The following CNOT1 variants were observed in gnomAD, a reference collection of about 807,000 sequenced individuals.
CNOT1 encodes the protein CCR4-associated factor 1.
CNOT1 carries 15 observed loss-of-function variants against 273.8 expected under a neutral mutation model. The observed-to-expected ratio is 0.05, with a 90% CI of 0.04 to 0.08. The LOEUF is 0.08. Among genes scored for constraint, CNOT1 ranks in the 10% least tolerant of loss-of-function variants. CNOT1 has a pLI of 1.00. For missense variants in CNOT1, 1,644 were observed against 2,912.2 expected (o/e 0.56, Z 10.02); for synonymous variants, 1,022 against 1,005.5 (o/e 1.02, Z -0.31).
chr16:58,611,142 A>G (rs900159387), intron 1 of CNOT1, among the ~76,000 whole-genome samples: 3 of 152,032 alleles, frequency 2.0e-5, no homozygotes, highest in African/African-American at 7.2e-5. Flanking sequence ...TAAACTCCCC[A>G]GTCAGGCTGA....
chr16:58,629,432 C>T (rs377538463), intron 1 of CNOT1, among the ~76,000 whole-genome samples: 1 of 152,180 alleles, frequency 6.6e-6, no homozygotes, highest in African/African-American at 2.4e-5. Context: ...CCTGAGCCTC[C>T]AGGCCCGGGA....
intron 2 of CNOT1, among the ~76,000 whole-genome samples, chr16:58,593,843 A>G (rs566899239): frequency 6.6e-6 from 1 of 152,372 alleles, no homozygotes; most frequent in East Asian, 1.9e-4. Context: ...CAGATACACA[A>G]AATATGAAAT....
chr16:58,582,429 G>A (rs2041689335), intron 10 of CNOT1, among the ~76,000 whole-genome samples: 1 of 152,170 alleles, frequency 6.6e-6, no homozygotes, highest in Non-Finnish European at 1.5e-5. Flanking sequence ...GGGCAACACA[G>A]CAAAAGGAAA....
In CNOT1 at chr16:58,583,272, C is replaced by A; in HGVS notation, c.807-90G>T. The stretch of plus-strand genomic sequence containing the variant: ...GCATTAAATGAACCTTGTTTGAAAG[C>A]CTTAGTTTTACTAAATAAAACAGGC... On this transcript the variant is annotated intron_variant, in intron 8 of 48. Transcript: ENST00000317147. 3 of 1,553,160 alleles carry A rather than the reference C, an allele frequency of 1.9e-6. No individual in the cohort carries two copies. The Admixed American group carries it at 5.9e-5, about 31-fold the overall frequency.
At chr16:58,556,525 C>T (rs1337447334) in intron 19 of CNOT1, among the ~76,000 whole-genome samples, 1 of 152,132 alleles carries the variant, frequency 6.6e-6, no homozygotes, top group East Asian at 1.9e-4. Context: ...CTTCTCACTC[C>T]TGACTTGCTT....
chr16:58,608,332 A>G (rs62067308), intron 1 of CNOT1, among the ~76,000 whole-genome samples: 6,615 of 152,174 alleles, frequency 0.043, 416 homozygotes, highest in East Asian at 0.26. Flanking sequence ...AAGAAGGCAG[A>G]TAACTTTAGG....
intron 1 of CNOT1, among the ~76,000 whole-genome samples, chr16:58,608,553 C>CAAAAAAAAAA (rs11397997): frequency 1.5e-5 from 2 of 129,814 alleles, no homozygotes. Flanking sequence ...GACTCTGTCT[C>CAAAAAAAAAA]AAAAAAAAAA....
At position 58,534,315 on chromosome 16, in the gene CNOT1, G is replaced by A. The variant is rs371128124; in HGVS notation, c.5727C>T (p.Ile1909=). The change falls in exon 40 of 49, where the codon ATC becomes ATT. Residue 1909 remains isoleucine, a synonymous_variant. Coordinates refer to ENST00000317147, the MANE Select transcript of CNOT1 (RefSeq NM_016284.5). The part of the protein sequence containing the change: ...FRLCTEMCVE[I]SYRAQAEQQH... ...GCTGCTCAGCCTGAGCACGGTAACT[G>A]ATTTCAACACACATTTCAGTACACA... is the stretch of plus-strand genomic sequence containing the variant. The A allele has an allele frequency of 6.2e-7, 1 of 1,614,010 alleles. No homozygotes were observed. The highest frequency in any genetic ancestry group is 8.5e-7 in the Non-Finnish European group (1 of 1,180,034).
chr16:58,543,203 C>T, intron 31 of CNOT1: 1 of 1,500,976 alleles, frequency 6.7e-7, no homozygotes, highest in Non-Finnish European at 8.9e-7. Flanking sequence ...AGACTCAAAA[C>T]TAGTAAGTGA....
intron 16 of CNOT1, among the ~76,000 whole-genome samples, chr16:58,566,999 G>C (rs1179842811): frequency 6.6e-6 from 1 of 152,018 alleles, no homozygotes; most frequent in Non-Finnish European, 1.5e-5. Context: ...CAGCCAAAAA[G>C]ACCATCAGGC....
intron 1 of CNOT1, among the ~76,000 whole-genome samples, chr16:58,602,172 G>A (rs1597570404): frequency 1.3e-5 from 2 of 151,444 alleles, no homozygotes; most frequent in East Asian, 4.0e-4. Context: ...AGGTTCACAC[G>A]ATTCTCCTGC....
intron 16 of CNOT1, among the ~76,000 whole-genome samples, chr16:58,565,185 A>G (rs996230766): frequency 2.0e-5 from 3 of 152,060 alleles, no homozygotes; most frequent in Non-Finnish European, 2.9e-5. Context: ...TGGTACAATT[A>G]TGGCTCTGCC....
At chr16:58,626,406 CAAAAAAAAAA>C (rs34556623) in intron 1 of CNOT1, among the ~76,000 whole-genome samples, 17 of 60,964 alleles carry the variant, frequency 2.8e-4, no homozygotes, top group Non-Finnish European at 3.7e-4. Flanking sequence ...GACTGCGTCT[CAAAAAAAAAA>C]AAAAAAAAAA....
intron 30 of CNOT1, 65 bp from the exon 31 acceptor site, chr16:58,543,968 A>G: frequency 6.7e-7 from 1 of 1,501,572 alleles, no homozygotes; most frequent in Non-Finnish European, 8.9e-7. Context: ...TCCTACTGGC[A>G]ATCACATTCA....
chr16:58,528,375 G>C lies in CNOT1; in HGVS notation c.6453+100C>G, dbSNP rs142254978. 2.9e-4 allele frequency: 233 copies of C among 805,890 alleles called. No homozygotes were observed. The African/African-American group carries it at 3.8e-3, about 13-fold the overall frequency. 49.9% of individuals were successfully genotyped at this position (805,890 alleles called of 1,614,324 possible). On this transcript the variant is annotated intron_variant, in intron 44 of 48. Coordinates refer to ENST00000317147, the MANE Select transcript of CNOT1 (RefSeq NM_016284.5). ...AAAGAGTACCCTTAACTAATAGTGT[G>C]CGTGTTATGTTGGGTAGGAAAGTGC...
At position 58,537,138 on chromosome 16, in the gene CNOT1, G is replaced by T. The variant is rs1443982742; in HGVS notation, c.5497C>A (p.His1833Asn). Reference protein sequence around the residue: ...RAHGGPNFMMHSGISQASEYD... With the variant: ...RAHGGPNFMMNSGISQASEYD... ...TCTGAGGCTTGAGAGATCCCAGAAT[G>T]CATCATAAAGTTTGGGCCTCCATGA... Residue 1833 changes from histidine (H) to asparagine (N), a missense_variant, in exon 39 of 49, where the codon CAT (histidine) becomes AAT (asparagine). By Grantham distance (68) the His-to-Asn change is moderately conservative. Coordinates refer to ENST00000317147, the MANE Select transcript of CNOT1 (RefSeq NM_016284.5). 1.2e-6 allele frequency: 2 copies of T among 1,613,992 alleles called. No homozygotes were observed. The highest frequency in any genetic ancestry group is 1.7e-5 in the Admixed American group (1 of 59,986).
In CNOT1 at chr16:58,616,043, G is replaced by T. The variant is rs1341381780; in HGVS notation, c.-175+13685C>A. ...GCTATGATCAGGCCATTGTCCTGCA[G>T]CCTGGATGACAGGGCAAGACACTGA... On this transcript the variant is annotated intron_variant, in intron 1 of 48. Transcript: ENST00000317147. 1.6e-5 allele frequency among the ~76,000 whole-genome samples: 2 copies of T among 124,170 alleles called. 1 individual carries two copies. The highest frequency in any genetic ancestry group is 5.4e-5 in the African/African-American group (2 of 36,844). The allele number at this position is 124,170 out of a possible 152,430, so 81.5% of individuals were successfully genotyped here.
At chr16:58,538,741 T>A in intron 36 of CNOT1, 31 bp downstream of exon 36, 1 of 1,608,742 alleles carries the variant, frequency 6.2e-7, no homozygotes. Flanking sequence ...CGCAGTCCAA[T>A]ACTCACTACT....
chr16:58,538,685 G>C, intron 36 of CNOT1, 87 bp downstream of exon 36: 1 of 1,547,144 alleles, frequency 6.5e-7, no homozygotes, highest in Non-Finnish European at 8.7e-7. Context: ...CTAGAAAAAA[G>C]GGAAACCCCT....
Sources: allele counts gnomAD v4.1 joint callset (sites outside exome capture counted in the v4.1 genomes callset), GRCh38; gene constraint gnomAD v4.1.1; transcripts MANE v1.5; gene names NCBI Gene and HGNC (gene_info 2026-07-23, HGNC 2026-07-21).